The following GMDS variants were observed in gnomAD, a reference collection of about 807,000 sequenced individuals.
GMDS encodes GDP-mannose 4,6 dehydratase.
In GMDS, 20 loss-of-function variants were observed where a neutral mutation model predicts 49.9. That is an observed-to-expected ratio of 0.40 (90% CI 0.28 to 0.58). GMDS has a LOEUF of 0.58. GMDS is among the 20% of genes least tolerant of loss of function. The pLI, the probability that GMDS is intolerant of heterozygous loss-of-function variation, is 0.42. For synonymous variants in GMDS, 177 were observed against 178.6 expected, an observed-to-expected ratio of 0.99 and a Z score of 0.07; for missense variants, 362 against 481.4, an observed-to-expected ratio of 0.75 and a Z score of 2.32.
At chr6:2,127,422 C>G (rs1015036291) in intron 1 of GMDS, among the ~76,000 whole-genome samples, 16 of 150,558 alleles carry the variant, frequency 1.1e-4, no homozygotes, top group African/African-American at 3.6e-4. Context: ...AAAAAAAAAG[C>G]CAGAGGTAAA....
chr6:1,937,874 A>G (rs1015901619), intron 6 of GMDS, among the ~76,000 whole-genome samples: 2 of 152,182 alleles, frequency 1.3e-5, no homozygotes, highest in African/African-American at 2.4e-5. Context: ...ATAAGAACGA[A>G]GGTTTAGAAT....
chr6:1,931,400 C>G (rs1040503841), intron 6 of GMDS, among the ~76,000 whole-genome samples: 5 of 152,212 alleles, frequency 3.3e-5, no homozygotes, highest in Admixed American at 3.3e-4. Flanking sequence ...AAACTTGATA[C>G]GTACATTTAT....
intron 9 of GMDS, among the ~76,000 whole-genome samples, chr6:1,655,233 T>C (rs563708842): frequency 1.3e-5 from 2 of 152,266 alleles, no homozygotes; most frequent in Admixed American, 6.5e-5. Context: ...TGAGCCTTAA[T>C]TGTTGTATCA....
chr6:2,048,792 T>A (rs1770184139), intron 4 of GMDS, among the ~76,000 whole-genome samples: 1 of 152,198 alleles, frequency 6.6e-6, no homozygotes, highest in Non-Finnish European at 1.5e-5. Context: ...ATTTTCAAAT[T>A]TTTCTTTTCT....
intron 7 of GMDS, among the ~76,000 whole-genome samples, chr6:1,890,979 T>G (rs983380066): frequency 6.6e-6 from 1 of 152,218 alleles, no homozygotes; most frequent in Admixed American, 6.5e-5. Context: ...CACTGATTTG[T>G]CTGGGTACCA....
At chr6:1,737,703 C>T (rs917953821) in intron 8 of GMDS, among the ~76,000 whole-genome samples, 7 of 148,472 alleles carry the variant, frequency 4.7e-5, no homozygotes, top group Non-Finnish European at 7.4e-5. Flanking sequence ...CACACACACG[C>T]ACACACCACA....
chr6:2,147,707 G>T (rs3800167), intron 1 of GMDS, among the ~76,000 whole-genome samples: 4 of 151,252 alleles, frequency 2.6e-5, no homozygotes, highest in African/African-American at 9.7e-5. Context: ...ATTTCTCACA[G>T]GGATTCATTT....
chr6:1,774,575 C>T (rs1355144287), intron 7 of GMDS, among the ~76,000 whole-genome samples: 1 of 152,210 alleles, frequency 6.6e-6, no homozygotes, highest in African/African-American at 2.4e-5. Context: ...TGTGCAGACA[C>T]ACAGACAAAC....
At chr6:1,885,227 C>T (rs550522618) in intron 7 of GMDS, among the ~76,000 whole-genome samples, 1 of 152,236 alleles carries the variant, frequency 6.6e-6, no homozygotes, top group South Asian at 2.1e-4. Flanking sequence ...TTAGAAAAGC[C>T]TGCATGGAAA....
At position 2,026,587 on chromosome 6, in the gene GMDS, G is replaced by C. The variant is rs184603429; in HGVS notation, c.346-65621C>G. The stretch of plus-strand genomic sequence containing the variant: ...GAAACTTGTTGTGAATCTCAGTTTT[G>C]TAATTTGTACATGTTATCAGAAAAA... On this transcript the variant is annotated intron_variant, in intron 4 of 10. Coordinates refer to ENST00000380815, the MANE Select transcript of GMDS (RefSeq NM_001500.4). Among the ~76,000 whole-genome samples, 12 of 152,234 alleles carry C rather than the reference G, an allele frequency of 7.9e-5. No homozygotes were observed. In the East Asian group the frequency reaches 1.9e-3, roughly 24 times the overall value.
intron 7 of GMDS, among the ~76,000 whole-genome samples, chr6:1,794,330 C>G (rs565927072): frequency 6.6e-6 from 1 of 151,508 alleles, no homozygotes; most frequent in Admixed American, 6.6e-5. Context: ...AAAAAAAATA[C>G]TTGGAAAATT....
At chr6:2,234,070 T>G (rs1489187289) in intron 1 of GMDS, among the ~76,000 whole-genome samples, 1 of 152,178 alleles carries the variant, frequency 6.6e-6, no homozygotes, top group Non-Finnish European at 1.5e-5. Context: ...CTTGTCCTCA[T>G]GGATTTACAC....
chr6:2,060,190 G>A lies in GMDS; in HGVS notation c.345+55581C>T, dbSNP rs79188733. 2.1e-3 allele frequency among the ~76,000 whole-genome samples: 317 copies of A among 152,138 alleles called. 1 individual carries two copies. The highest frequency in any genetic ancestry group is 3.6e-3 in the Non-Finnish European group (248 of 68,002). On this transcript the variant is annotated intron_variant, in intron 4 of 10. Transcript: ENST00000380815. ...TCACTTGTCCAGCCTCCCAAGCAAG[G>A]CGACCCTGGCGTACTGTTCCCGGGT...
rs2113736310 is a variant in GMDS, at chr6:1,836,059, G to A, written c.772-93473C>T. Among the ~76,000 whole-genome samples, 3 of 152,190 alleles carry A rather than the reference G, an allele frequency of 2.0e-5. No individual in the cohort carries two copies. The East Asian group carries it at 5.8e-4, about 29-fold the overall frequency. ...ATTTTTTGGATTTTTAGTAGAGACA[G>A]GGTTTCACCATGTTAGCCAGGATGG... On this transcript the variant is annotated intron_variant, in intron 7 of 10. Transcript: ENST00000380815. This position sits in a 1 kb window ranked among gnomAD's most constrained non-coding sequence, Gnocchi z 4.2.
chr6:2,068,616 C>T (rs555812912), intron 4 of GMDS, among the ~76,000 whole-genome samples: 1 of 152,144 alleles, frequency 6.6e-6, no homozygotes, highest in South Asian at 2.1e-4. Flanking sequence ...TTCTTATACA[C>T]CAACAACAGA....
rs146963942 is a variant in GMDS at position 1,961,725 on chromosome 6, G to A, written c.346-759C>T. Among the ~76,000 whole-genome samples, 649 of 152,206 alleles carry A rather than the reference G, an allele frequency of 4.3e-3. 3 individuals are homozygous for A. The highest frequency in any genetic ancestry group is 0.014 in the African/African-American group (591 of 41,530). ...CAAAATCTTTGTCACTGGTTTATTC[G>A]TAGGCTAATATAGCTGGGCACAGTG... On this transcript the variant is annotated intron_variant, in intron 4 of 10. Coordinates refer to ENST00000380815, the MANE Select transcript of GMDS (RefSeq NM_001500.4).
rs140803542 is a variant in GMDS at position 1,764,921 on chromosome 6, T to C, written c.772-22335A>G. On this transcript the variant is annotated intron_variant, in intron 7 of 10. Transcript: ENST00000380815. ...TTCAAGAAAATAAATTTGTATTATA[T>C]AGGTAGATAGTTCAGAGGAGCTGTC... 1.2e-3 allele frequency among the ~76,000 whole-genome samples: 176 copies of C among 152,274 alleles called. 1 individual carries two copies. Among genetic ancestry groups the C allele is most frequent in the Middle Eastern group, 0.01 (3 of 294 alleles).
intron 7 of GMDS, among the ~76,000 whole-genome samples, chr6:1,846,398 C>T (rs908192150): frequency 6.6e-6 from 1 of 152,104 alleles, no homozygotes; most frequent in Admixed American, 6.5e-5. Flanking sequence ...CAGCCAGACA[C>T]CATGATTCTA....
intron 9 of GMDS, among the ~76,000 whole-genome samples, chr6:1,714,131 C>A (rs1203202752): frequency 1.3e-5 from 2 of 152,296 alleles, no homozygotes; most frequent in East Asian, 3.9e-4. Flanking sequence ...CATTCTCCCG[C>A]CTCAGCCTCC....
Sources: allele counts gnomAD v4.1 joint callset (sites outside exome capture counted in the v4.1 genomes callset), GRCh38; gene constraint gnomAD v4.1.1; non-coding constraint Gnocchi (gnomAD v3.1); transcripts MANE v1.5; gene names NCBI Gene and HGNC (gene_info 2026-07-23, HGNC 2026-07-21).